TRPM3: variants seen among roughly 807,000 people sequenced by gnomAD.
TRPM3 encodes the protein transient receptor potential cation channel subfamily M member 3, also known as long transient receptor potential channel 3.
TRPM3 carries 77 observed loss-of-function variants against 181.2 expected under a neutral mutation model. The observed-to-expected ratio is 0.42, with a 90% CI of 0.35 to 0.51. The LOEUF (loss-of-function observed/expected upper bound fraction) is 0.51. Ranked by LOEUF, TRPM3 falls within the 20% of genes least tolerant of loss-of-function variation. The pLI is 0.01. For synonymous variants in TRPM3, 745 were observed against 796.4 expected (o/e 0.94, Z 1.09); for missense variants, 1,759 against 2,196.7 (o/e 0.80, Z 3.98).
chr9:70,800,838 C>T (rs1017156937), intron 6 of TRPM3, among the ~76,000 whole-genome samples: 11 of 152,012 alleles, frequency 7.2e-5, no homozygotes, highest in African/African-American at 2.4e-4. Context: ...AAGTTACACA[C>T]GAATTTTTGA....
intron 9 of TRPM3, among the ~76,000 whole-genome samples, chr9:70,656,007 G>T (rs1013754175): frequency 5.9e-5 from 9 of 152,142 alleles, no homozygotes; most frequent in African/African-American, 2.2e-4. Context: ...AAATAAAAGT[G>T]CTTGAATCAA....
At chr9:70,826,524 C>T (rs2093566748) in intron 6 of TRPM3, 1 of 152,198 alleles carries the variant, frequency 6.6e-6, no homozygotes, top group African/African-American at 2.4e-5. Context: ...AAACATGACA[C>T]TTAAACAGTA....
intron 5 of TRPM3, among the ~76,000 whole-genome samples, chr9:70,829,206 A>C (rs923262588): frequency 6.6e-6 from 1 of 152,202 alleles, no homozygotes. Flanking sequence ...AGTATGTAAT[A>C]ACACACTATA....
chr9:70,541,310 G>C (rs924505597), intron 25 of TRPM3, among the ~76,000 whole-genome samples: 1 of 152,120 alleles, frequency 6.6e-6, no homozygotes, highest in Non-Finnish European at 1.5e-5. Flanking sequence ...TGTAAGACTT[G>C]ACTAAAACAA....
chr9:71,329,291 A>G (rs1402672456), intron 1 of TRPM3, among the ~76,000 whole-genome samples: 3 of 152,218 alleles, frequency 2.0e-5, no homozygotes, highest in Non-Finnish European at 4.4e-5. Flanking sequence ...CAAAGAAATG[A>G]GTAGGTTTTA....
intron 9 of TRPM3, among the ~76,000 whole-genome samples, chr9:70,674,757 G>A (rs1256096999): frequency 2.4e-5 from 3 of 123,564 alleles, no homozygotes; most frequent in African/African-American, 8.9e-5. Flanking sequence ...TTAGAGACAA[G>A]GTCTCACAAT....
chr9:70,670,807 C>T (rs2062762603), intron 9 of TRPM3, among the ~76,000 whole-genome samples: 1 of 152,214 alleles, frequency 6.6e-6, no homozygotes, highest in East Asian at 1.9e-4. Context: ...AAAGAGCTAG[C>T]AATAACCATG....
At chr9:70,565,052 G>A (rs1374182146) in intron 22 of TRPM3, among the ~76,000 whole-genome samples, 4 of 152,146 alleles carry the variant, frequency 2.6e-5, no homozygotes, top group Non-Finnish European at 1.5e-5. Context: ...AAACAACCAA[G>A]AATCCAGACA....
intron 6 of TRPM3, among the ~76,000 whole-genome samples, chr9:70,815,776 C>G (rs1464465026): frequency 6.6e-6 from 1 of 152,090 alleles, no homozygotes; most frequent in Non-Finnish European, 1.5e-5. Flanking sequence ...CATTTGTTCA[C>G]TGTATTTTCT....
rs1564540132 is a variant in TRPM3, at chr9:70,841,650, ATATATATATAT to A, written c.801+1342_801+1352del. Among the ~76,000 whole-genome samples, 38 of 124,312 alleles carry A rather than the reference ATATATATATAT, an allele frequency of 3.1e-4. 1 individual carries two copies. The highest frequency in any genetic ancestry group is 4.0e-3 in the Middle Eastern group (1 of 252). 81.6% of individuals were successfully genotyped at this position (124,312 alleles called of 152,430 possible). A position where few individuals can be genotyped will look rare whatever the true frequency, so the allele number is the denominator to read the frequency against. On this transcript the variant is annotated intron_variant, in intron 5 of 25. Transcript: ENST00000677713. ...TATATATATATATATATATATATAT[ATATATATATAT>A]CCCACCATATATATGTATATATAGA...
chr9:70,924,893 T>G (rs1280555332), intron 1 of TRPM3, among the ~76,000 whole-genome samples: 1 of 152,138 alleles, frequency 6.6e-6, no homozygotes, highest in African/African-American at 2.4e-5. Context: ...TCTACAAGGT[T>G]ACACAGATTT....
chr9:71,169,752 C>G (rs573676782), intron 1 of TRPM3, among the ~76,000 whole-genome samples: 16 of 151,738 alleles, frequency 1.1e-4, no homozygotes, highest in African/African-American at 2.9e-4. Flanking sequence ...GTAAGGAGTT[C>G]GAGACCAGCC....
At chr9:71,188,426 C>T (rs1360868831) in intron 1 of TRPM3, among the ~76,000 whole-genome samples, 1 of 151,910 alleles carries the variant, frequency 6.6e-6, no homozygotes, top group Non-Finnish European at 1.5e-5. Flanking sequence ...GTTTATATCA[C>T]TAGAATCACT....
At chr9:71,311,550 G>A (rs2087932711) in intron 1 of TRPM3, among the ~76,000 whole-genome samples, 2 of 151,994 alleles carry the variant, frequency 1.3e-5, no homozygotes, top group Non-Finnish European at 2.9e-5. Flanking sequence ...GGAACAACTG[G>A]ATGTCCACAT....
At chr9:70,548,712 G>C (rs566468866) in intron 25 of TRPM3, among the ~76,000 whole-genome samples, 1 of 152,280 alleles carries the variant, frequency 6.6e-6, no homozygotes, top group East Asian at 1.9e-4. Flanking sequence ...CCAAATGCTA[G>C]GTTCTGAATG....
chr9:71,305,880 T>TA (rs140200241), intron 1 of TRPM3, among the ~76,000 whole-genome samples: 8 of 151,992 alleles, frequency 5.3e-5, no homozygotes, highest in South Asian at 2.1e-4. Context: ...TTCCTTCTTT[T>TA]AAAAAAAATC....
intron 1 of TRPM3, among the ~76,000 whole-genome samples, chr9:71,084,633 C>T (rs1041081809): frequency 6.6e-6 from 1 of 151,832 alleles, no homozygotes; most frequent in African/African-American, 2.4e-5. Context: ...ATGATACAAA[C>T]AAATAGAAAA....
intron 9 of TRPM3, among the ~76,000 whole-genome samples, chr9:70,646,755 T>G (rs1198002368): frequency 6.6e-6 from 1 of 151,202 alleles, no homozygotes; most frequent in African/African-American, 2.4e-5. Flanking sequence ...GTTGGTTTTT[T>G]GAAAAAATAC....
chr9:70,769,222 T>A (rs1588087501), intron 7 of TRPM3, among the ~76,000 whole-genome samples: 1 of 152,176 alleles, frequency 6.6e-6, no homozygotes. Flanking sequence ...ACAGCTAGGC[T>A]CATCTCCTGC....
Sources: allele counts gnomAD v4.1 joint callset (sites outside exome capture counted in the v4.1 genomes callset), GRCh38; gene constraint gnomAD v4.1.1; transcripts MANE v1.5; gene names NCBI Gene and HGNC (gene_info 2026-07-23, HGNC 2026-07-21).